ELP4: variants seen among roughly 807,000 people sequenced by gnomAD.
ELP4 encodes the protein elongator acetyltransferase complex subunit 4.
In ELP4, 51 loss-of-function variants were observed where a neutral mutation model predicts 48.9. That is an observed-to-expected ratio of 1.04 (90% CI 0.83 to 1.32). The LOEUF is 1.32. Ranked by LOEUF, ELP4 falls within the 40% of genes most tolerant of loss-of-function variation. The pLI is 0.00. For synonymous variants in ELP4, 210 were observed against 189.2 expected (o/e 1.11, Z -0.90); for missense variants, 519 against 514.6 (o/e 1.01, Z -0.08).
intron 2 of ELP4, among the ~76,000 whole-genome samples, chr11:31,531,454 C>T (rs1441535965): frequency 6.6e-6 from 1 of 152,142 alleles, no homozygotes; most frequent in Non-Finnish European, 1.5e-5. Flanking sequence ...TGCTCCAGAG[C>T]ACACTGATAT....
At chr11:31,539,504 TA>T (rs1175880382) in intron 2 of ELP4, among the ~76,000 whole-genome samples, 157 bp from the exon 3 acceptor site, 8 of 152,208 alleles carry the variant, frequency 5.3e-5, no homozygotes, top group African/African-American at 1.9e-4. Context: ...TCTCTTAGCC[TA>T]TCTATCTATG....
At chr11:31,671,605 A>C (rs956438848) in intron 9 of ELP4, among the ~76,000 whole-genome samples, 1 of 152,186 alleles carries the variant, frequency 6.6e-6, no homozygotes, top group Admixed American at 6.5e-5. Flanking sequence ...GTTGGACTGA[A>C]AGGCATACAA....
In ELP4 at chr11:31,539,651, C is replaced by T; in HGVS notation, c.260-11C>T. The T allele has an allele frequency of 1.3e-6, 2 of 1,591,448 alleles. No individual in the cohort carries two copies. The highest frequency in any genetic ancestry group is 1.7e-6 in the Non-Finnish European group (2 of 1,170,688). On this transcript the variant is annotated splice_polypyrimidine_tract_variant and intron_variant, in intron 2 of 9. Coordinates refer to ENST00000640961, the MANE Select transcript of ELP4 (RefSeq NM_019040.5). ...CTATATGTTTCTAACTGCAACTTTT[C>T]CTTTTTACAGAGGAGGATAAATATA...
At chr11:31,727,338 T>C (rs1191288441) in intron 9 of ELP4, among the ~76,000 whole-genome samples, 2 of 152,138 alleles carry the variant, frequency 1.3e-5, no homozygotes, top group Non-Finnish European at 2.9e-5. Flanking sequence ...GAGATCTTGA[T>C]TTATTGGCTC....
At chr11:31,583,362 C>T (rs966616695) in intron 3 of ELP4, among the ~76,000 whole-genome samples, 1 of 152,006 alleles carries the variant, frequency 6.6e-6, no homozygotes, top group South Asian at 2.1e-4. Context: ...TTATAAACCA[C>T]GTTTGTTGTA....
chr11:31,737,018 G>A (rs1285505864), intron 9 of ELP4, among the ~76,000 whole-genome samples: 2 of 152,152 alleles, frequency 1.3e-5, no homozygotes, highest in Admixed American at 6.6e-5. Flanking sequence ...ACATGCACAC[G>A]TATGTTTATT....
intron 3 of ELP4, among the ~76,000 whole-genome samples, chr11:31,550,983 A>G (rs1455906680): frequency 6.6e-6 from 1 of 152,190 alleles, no homozygotes; most frequent in Non-Finnish European, 1.5e-5. Flanking sequence ...TCATACTGGT[A>G]AAACCGTGTT....
In ELP4 at chr11:31,627,134, G is replaced by A. The variant is rs773782536; in HGVS notation, c.678G>A (p.Lys226=). 1.9e-6 allele frequency: 3 copies of A among 1,607,684 alleles called. No homozygotes were observed. The highest frequency in any genetic ancestry group is 1.7e-5 in the Admixed American group (1 of 59,680). The change falls in exon 6 of 10, where the codon AAG becomes AAA. Residue 226 remains lysine (K), a synonymous_variant. Coordinates refer to ENST00000640961, the MANE Select transcript of ELP4 (RefSeq NM_019040.5). Reference sequence around the variant, plus strand: ...GTTCTTTGACCCCTGGCTACACAAAGCTGCTTCAGTTTATCCAGAACATCA... The same window carrying A: ...GTTCTTTGACCCCTGGCTACACAAAACTGCTTCAGTTTATCCAGAACATCA... ...EPCSLTPGYT[K]LLQFIQNIIY... is the part of the protein sequence containing the mutation.
chr11:31,774,540 A>G (rs1297699651), intron 9 of ELP4, among the ~76,000 whole-genome samples: 1 of 152,202 alleles, frequency 6.6e-6, no homozygotes, highest in East Asian at 1.9e-4. Flanking sequence ...GCATGAGTTC[A>G]TCTGTCTTTT....
At chr11:31,768,537 T>A (rs1163750124) in intron 9 of ELP4, among the ~76,000 whole-genome samples, 1 of 152,212 alleles carries the variant, frequency 6.6e-6, no homozygotes, top group Non-Finnish European at 1.5e-5. Context: ...TAGTCCTCAA[T>A]ATACATTGAA....
intron 9 of ELP4, among the ~76,000 whole-genome samples, chr11:31,701,542 T>C (rs939757122): frequency 1.3e-5 from 2 of 151,956 alleles, no homozygotes; most frequent in African/African-American, 2.4e-5. Flanking sequence ...TTTAAATTTA[T>C]GTCAAAAGCT....
At chr11:31,613,512 A>G (rs1401856719) in intron 5 of ELP4, among the ~76,000 whole-genome samples, 4 of 152,134 alleles carry the variant, frequency 2.6e-5, no homozygotes, top group Non-Finnish European at 5.9e-5. Context: ...TTTAGAATCA[A>G]AAACATTTTT....
chr11:31,596,451 G>T (rs916098515), intron 4 of ELP4, among the ~76,000 whole-genome samples: 1 of 152,106 alleles, frequency 6.6e-6, no homozygotes, highest in African/African-American at 2.4e-5. Flanking sequence ...TACTTAATTG[G>T]TAGTGTAACT....
chr11:31,545,643 G>C (rs1340514629), intron 3 of ELP4, among the ~76,000 whole-genome samples: 1 of 152,052 alleles, frequency 6.6e-6, no homozygotes, highest in African/African-American at 2.4e-5. Flanking sequence ...ATGCCACAAA[G>C]ATACTCCTCG....
chr11:31,681,633 A>G (rs147884444), intron 9 of ELP4, among the ~76,000 whole-genome samples: 1 of 152,262 alleles, frequency 6.6e-6, no homozygotes, highest in African/African-American at 2.4e-5. Flanking sequence ...AACGTTTTTG[A>G]TGATCTGGAA....
intron 2 of ELP4, among the ~76,000 whole-genome samples, chr11:31,530,753 C>G (rs1420673277): frequency 6.6e-6 from 1 of 152,120 alleles, no homozygotes; most frequent in Non-Finnish European, 1.5e-5. Flanking sequence ...TCTCGGGTCT[C>G]TTTCTTTAAG....
rs1191824927 is a variant in ELP4 at position 31,722,697 on chromosome 11, G to GTCTCTCTCTT, written c.1144-60686_1144-60677dup. ...TCTCTCTCTCTCTCTCTCTCTCTCT[G>GTCTCTCTCTT]TCTCTCTCTTTCTCTCTCTCTCTCT... On this transcript the variant is annotated intron_variant, in intron 9 of 9. Coordinates refer to ENST00000640961, the MANE Select transcript of ELP4 (RefSeq NM_019040.5). 4.4e-5 allele frequency among the ~76,000 whole-genome samples: 4 copies of GTCTCTCTCTT among 90,608 alleles called. No homozygotes were observed. In the East Asian group the frequency reaches 1.0e-3, roughly 23 times the overall value. 59.4% of individuals were successfully genotyped at this position (90,608 alleles called of 152,430 possible). A position where few individuals can be genotyped will look rare whatever the true frequency, so the allele number is the denominator to read the frequency against.
At chr11:31,753,038 A>G (rs574203241) in intron 9 of ELP4, among the ~76,000 whole-genome samples, 3 of 152,184 alleles carry the variant, frequency 2.0e-5, no homozygotes, top group East Asian at 3.8e-4. Context: ...AGATTAACCA[A>G]TGTAAAGTAC....
In ELP4 at chr11:31,517,642, A is replaced by T. The variant is rs567254362; in HGVS notation, c.224-2414A>T. Among the ~76,000 whole-genome samples, 5 of 151,348 alleles carry T rather than the reference A, an allele frequency of 3.3e-5. No homozygotes were observed. In the South Asian group the frequency reaches 1.0e-3, roughly 32 times the overall value. On this transcript the variant is annotated intron_variant, in intron 1 of 9. Transcript: ENST00000640961. ...TTTGAGTAATTTTTTTTTTTAATGG[A>T]GTCTCACTCTGTCACCTAGGCTGGA...
Sources: allele counts gnomAD v4.1 joint callset (sites outside exome capture counted in the v4.1 genomes callset), GRCh38; gene constraint gnomAD v4.1.1; transcripts MANE v1.5; gene names NCBI Gene and HGNC (gene_info 2026-07-23, HGNC 2026-07-21).